DENND1A: variants seen among roughly 807,000 people sequenced by gnomAD.
DENND1A encodes DENN domain containing 1A.
Under a neutral mutation model 113.7 loss-of-function variants are expected in DENND1A, and 51 were observed. That is an observed-to-expected ratio of 0.45 (90% CI 0.36 to 0.57). DENND1A has a LOEUF of 0.57. DENND1A is among the 20% of genes least tolerant of loss of function. The probability of loss-of-function intolerance (pLI) is 0.00; values close to 1 mark genes in which losing one functional copy is unlikely to be tolerated. For synonymous variants in DENND1A, 565 were observed against 570.8 expected (o/e 0.99, Z 0.14); for missense variants, 1,258 against 1,395.9 (o/e 0.90, Z 1.57).
intron 2 of DENND1A, among the ~76,000 whole-genome samples, chr9:123,872,963 G>A (rs972202057): frequency 2.6e-5 from 4 of 152,180 alleles, no homozygotes; most frequent in African/African-American, 7.2e-5. Context: ...GGAAGATTAT[G>A]CCCAGACACT....
intron 9 of DENND1A, among the ~76,000 whole-genome samples, chr9:123,641,042 T>A (rs2062000830): frequency 6.6e-6 from 1 of 152,232 alleles, no homozygotes; most frequent in South Asian, 2.1e-4. Flanking sequence ...ATGTGCTCCG[T>A]GTCTGCACTT....
At chr9:123,579,086 CAG>C (rs376465976) in intron 12 of DENND1A, among the ~76,000 whole-genome samples, 102 of 152,234 alleles carry the variant, frequency 6.7e-4, no homozygotes, top group African/African-American at 2.4e-3. Context: ...GAAACAAAAA[CAG>C]GGGGGTATCA....
chr9:123,546,408 C>T (rs931846890), intron 13 of DENND1A, among the ~76,000 whole-genome samples: 8 of 151,992 alleles, frequency 5.3e-5, no homozygotes, highest in South Asian at 2.1e-4. Flanking sequence ...AAAAAGTAGC[C>T]GGGCGTGGTG....
At chr9:123,610,386 C>T (rs1223283304) in intron 10 of DENND1A, among the ~76,000 whole-genome samples, 1 of 152,140 alleles carries the variant, frequency 6.6e-6, no homozygotes, top group Non-Finnish European at 1.5e-5. Context: ...GGGACTAGGC[C>T]TAAAGAGGTT....
At chr9:123,582,135 C>G (rs1254230126) in intron 12 of DENND1A, among the ~76,000 whole-genome samples, 1 of 152,230 alleles carries the variant, frequency 6.6e-6, no homozygotes, top group African/African-American at 2.4e-5. Flanking sequence ...ACCCGATACT[C>G]TACCATGTTC....
At chr9:123,416,700 C>T (rs1024847465) in intron 19 of DENND1A, among the ~76,000 whole-genome samples, 10 of 152,182 alleles carry the variant, frequency 6.6e-5, no homozygotes, top group Admixed American at 2.0e-4. Context: ...GCCGGCGAAG[C>T]GGGGAGAAGG....
chr9:123,576,510 T>G (rs1309345427), intron 12 of DENND1A, among the ~76,000 whole-genome samples: 3 of 152,220 alleles, frequency 2.0e-5, no homozygotes, highest in African/African-American at 7.2e-5. Context: ...GTTTTGCCTT[T>G]TTTTTTGAGA....
intron 5 of DENND1A, among the ~76,000 whole-genome samples, chr9:123,728,105 C>CA (rs1184658717): frequency 0.064 from 8,431 of 132,748 alleles, 786 homozygotes; most frequent in African/African-American, 0.21. Context: ...GACTCTGTCT[C>CA]AAAAAAAAAA....
intron 11 of DENND1A, among the ~76,000 whole-genome samples, chr9:123,583,630 T>C (rs1253148300): frequency 1.3e-5 from 2 of 152,204 alleles, no homozygotes; most frequent in South Asian, 2.1e-4. Context: ...GGAATGCTGA[T>C]ATACGGCTGT....
chr9:123,583,077 G>A (rs962452734), intron 12 of DENND1A, 92 bp downstream of exon 12: 45 of 931,818 alleles, frequency 4.8e-5, no homozygotes, highest in African/African-American at 3.7e-4. Flanking sequence ...GAAAACCCTC[G>A]CTATTTCCCC....
intron 1 of DENND1A, among the ~76,000 whole-genome samples, chr9:123,912,875 T>G (rs1029131613): frequency 2.0e-5 from 3 of 152,006 alleles, no homozygotes; most frequent in Admixed American, 6.6e-5. Flanking sequence ...TGGTGTCTGT[T>G]GAGTCCCCAG....
intron 2 of DENND1A, among the ~76,000 whole-genome samples, chr9:123,840,659 T>C (rs1447046974): frequency 6.6e-6 from 1 of 152,204 alleles, no homozygotes; most frequent in African/African-American, 2.4e-5. Context: ...AAAATAGTAA[T>C]CAAAGAGTCG....
At chr9:123,416,899 C>T (rs2044773663) in intron 19 of DENND1A, among the ~76,000 whole-genome samples, 1 of 152,042 alleles carries the variant, frequency 6.6e-6, no homozygotes, top group East Asian at 1.9e-4. Context: ...TTGAGGACTG[C>T]AGAGTCTGGT....
intron 16 of DENND1A, among the ~76,000 whole-genome samples, chr9:123,453,041 TA>T (rs1319503641): frequency 6.6e-6 from 1 of 152,192 alleles, no homozygotes; most frequent in East Asian, 1.9e-4. Context: ...TTCCCGCTCC[TA>T]AAAGAGGCAG....
At chr9:123,428,217 T>C (rs2045887399) in intron 19 of DENND1A, among the ~76,000 whole-genome samples, 1 of 152,182 alleles carries the variant, frequency 6.6e-6, no homozygotes, top group African/African-American at 2.4e-5. Flanking sequence ...TCAAGTTGGC[T>C]TCATCCCCAG....
At position 123,387,827 on chromosome 9, in the gene DENND1A, A is replaced by C; in HGVS notation, c.1663T>G (p.Phe555Val). ...TCATCAGAGGAGTCTTCGGAGAGGA[A>C]GACCGCATAGTGTCGCAAGGGCTTT... ...LVKPLRHYAV[F>V]LSEDSSDDEC... Residue 555 changes from phenylalanine (F) to valine (V), a missense_variant, in exon 22 of 24, where the codon TTC (phenylalanine) becomes GTC (valine). Physicochemically the swap from Phe to Val is conservative, Grantham distance 50 (BLOSUM62 -1). Around this residue, in one of 2 missense-constraint regions of DENND1A, gnomAD observed 1,159 missense variants for 1,231.7 expected, o/e 0.94. Transcript: ENST00000394215. 7.8e-7 allele frequency: 1 copy of C among 1,290,024 alleles called. No individual in the cohort carries two copies. The highest frequency in any genetic ancestry group is 1.0e-6 in the Non-Finnish European group (1 of 988,910). The allele number at this position is 1,290,024 out of a possible 1,614,324, so 79.9% of individuals were successfully genotyped here.
At chr9:123,420,941 G>C (rs1002481192) in intron 19 of DENND1A, among the ~76,000 whole-genome samples, 13 of 151,580 alleles carry the variant, frequency 8.6e-5, no homozygotes, top group Non-Finnish European at 1.8e-4. Flanking sequence ...GTCTGAATAG[G>C]TGGCATCCCA....
At chr9:123,596,559 T>C (rs1270929171) in intron 11 of DENND1A, among the ~76,000 whole-genome samples, 1 of 152,170 alleles carries the variant, frequency 6.6e-6, no homozygotes, top group Non-Finnish European at 1.5e-5. Flanking sequence ...GAGTTAAGAT[T>C]TGAGCTTGGG....
At chr9:123,749,355 C>T (rs1163742526) in intron 5 of DENND1A, among the ~76,000 whole-genome samples, 3 of 152,144 alleles carry the variant, frequency 2.0e-5, no homozygotes, top group Non-Finnish European at 4.4e-5. Context: ...AAAGAGAGGA[C>T]AAATAACCTT....
Sources: gnomAD v4.1 joint callset for allele counts (sites outside exome capture counted in the v4.1 genomes callset) on GRCh38, gnomAD v4.1.1 for gene constraint, gnomAD v4.1.1 regional missense constraint, MANE v1.5 for transcripts, NCBI Gene and HGNC (gene_info 2026-07-23, HGNC 2026-07-21) for gene names.